LYPLAL1: variants seen among roughly 807,000 people sequenced by gnomAD.
LYPLAL1 encodes lysophospholipase like 1.
Under a neutral mutation model 19.7 loss-of-function variants are expected in LYPLAL1, and 23 were observed. That is an observed-to-expected ratio of 1.17 (90% CI 0.84 to 1.65). The LOEUF (loss-of-function observed/expected upper bound fraction) is 1.65, where lower values mean the gene tolerates loss of function less well. Ranked by LOEUF, LYPLAL1 falls within the 40% of genes most tolerant of loss-of-function variation. The pLI is 0.00. For missense variants in LYPLAL1, 355 were observed against 279.4 expected (o/e 1.27, Z -1.93); for synonymous variants, 119 against 96.3 (o/e 1.24, Z -1.38).
the LYPLAL1 span, among the ~76,000 whole-genome samples, chr1:219,293,789 T>C: frequency 6.6e-6 from 1 of 152,252 alleles, no homozygotes; most frequent in Non-Finnish European, 1.5e-5. Context: ...AATTAATGTG[T>C]ATTGAAGTAG....
At chr1:219,201,215 C>G (rs964173488) in intron 3 of LYPLAL1, among the ~76,000 whole-genome samples, 1 of 151,990 alleles carries the variant, frequency 6.6e-6, no homozygotes, top group Admixed American at 6.6e-5. Flanking sequence ...CATAAAAAAA[C>G]TTTTAAAATC....
At chr1:219,196,282 C>A (rs1572185688) in intron 3 of LYPLAL1, among the ~76,000 whole-genome samples, 1 of 152,138 alleles carries the variant, frequency 6.6e-6, no homozygotes, top group South Asian at 2.1e-4. Flanking sequence ...AACTAATTAA[C>A]ATTTTCATCA....
the LYPLAL1 span, among the ~76,000 whole-genome samples, chr1:219,308,656 G>A: frequency 2.0e-5 from 3 of 152,196 alleles, no homozygotes; most frequent in African/African-American, 7.2e-5. Context: ...TCAAGCCATG[G>A]CAGCTTCCAC....
the LYPLAL1 span, among the ~76,000 whole-genome samples, chr1:219,419,952 G>T: frequency 6.2e-3 from 943 of 152,314 alleles, 10 homozygotes; most frequent in African/African-American, 0.02. Flanking sequence ...TACCTGGTAG[G>T]CCTGAAGCTG....
the LYPLAL1 span, among the ~76,000 whole-genome samples, chr1:219,295,669 C>G: frequency 6.6e-6 from 1 of 152,128 alleles, no homozygotes; most frequent in African/African-American, 2.4e-5. Context: ...TTCAGATTGC[C>G]AGAGCCTTTC....
the LYPLAL1 span, among the ~76,000 whole-genome samples, chr1:219,423,004 A>G: frequency 1.3e-5 from 2 of 152,114 alleles, no homozygotes; most frequent in South Asian, 2.1e-4. Flanking sequence ...GGAGCATGCA[A>G]TTGTTCATCA....
Position 219,181,415 on chromosome 1 carries a change from T to C in LYPLAL1, c.191+2169T>C, listed in dbSNP as rs1317854521. Among the ~76,000 whole-genome samples, 6 of 152,290 alleles carry C rather than the reference T, an allele frequency of 3.9e-5. No homozygotes were observed. The South Asian group carries it at 1.2e-3, about 32-fold the overall frequency. On this transcript the variant is annotated intron_variant, in intron 2 of 4. Transcript: ENST00000366928. ...GTAGATTGGGAGCCACTGTTCTAGA[T>C]CAAGTCATCATTTTTACTTATTGGT...
the LYPLAL1 span, among the ~76,000 whole-genome samples, chr1:219,380,058 T>G: frequency 6.6e-6 from 1 of 152,204 alleles, no homozygotes; most frequent in Non-Finnish European, 1.5e-5. Flanking sequence ...GCCAAAAATA[T>G]TGTCTACCAT....
At chr1:219,252,581 C>T in the LYPLAL1 span, among the ~76,000 whole-genome samples, 1 of 151,936 alleles carries the variant, frequency 6.6e-6, no homozygotes, top group African/African-American at 2.4e-5. Context: ...TGTGATGAAT[C>T]ACATTTATTG....
At chr1:219,441,708 C>G in the LYPLAL1 span, among the ~76,000 whole-genome samples, 3 of 152,166 alleles carry the variant, frequency 2.0e-5, no homozygotes, top group African/African-American at 7.2e-5. Context: ...TTGGAGTCAT[C>G]TGCTCTTATA....
the LYPLAL1 span, among the ~76,000 whole-genome samples, chr1:219,227,262 C>T: frequency 6.6e-6 from 1 of 152,160 alleles, no homozygotes; most frequent in Non-Finnish European, 1.5e-5. Flanking sequence ...AAGTCTAAAT[C>T]AGAGGAGTTC....
the LYPLAL1 span, among the ~76,000 whole-genome samples, chr1:219,229,611 G>A: frequency 6.6e-6 from 1 of 152,186 alleles, no homozygotes; most frequent in African/African-American, 2.4e-5. Flanking sequence ...AACACAGGCC[G>A]CCTATAGATG....
chr1:219,282,572 A>C, the LYPLAL1 span, among the ~76,000 whole-genome samples: 73,457 of 151,054 alleles, frequency 0.49, 18,056 homozygotes, highest in Non-Finnish European at 0.53. Context: ...TCAAGAAAAG[A>C]TCCTAGAAGC....
chr1:219,240,113 C>A, the LYPLAL1 span, among the ~76,000 whole-genome samples: 4 of 152,284 alleles, frequency 2.6e-5, no homozygotes, highest in East Asian at 7.7e-4. Flanking sequence ...AGTTGTATGT[C>A]TGTGTGGTTT....
the LYPLAL1 span, among the ~76,000 whole-genome samples, chr1:219,378,078 C>A: frequency 6.6e-6 from 1 of 152,024 alleles, no homozygotes; most frequent in East Asian, 1.9e-4. Context: ...CTGGTGTAGA[C>A]CAAATGAGAT....
the LYPLAL1 span, chr1:219,273,431 A>G: frequency 6.6e-6 from 1 of 152,234 alleles, no homozygotes; most frequent in Non-Finnish European, 1.5e-5. Flanking sequence ...GAATAAATAA[A>G]TAAAAGTATG....
chr1:219,312,134 C>A, the LYPLAL1 span, among the ~76,000 whole-genome samples: 3 of 152,030 alleles, frequency 2.0e-5, no homozygotes, highest in Non-Finnish European at 2.9e-5. Flanking sequence ...AAGGTGCTTT[C>A]CCAAGTTTGG....
chr1:219,213,570 ATTTAGATACT>A (rs1659182174), downstream of LYPLAL1, among the ~76,000 whole-genome samples: 1 of 151,946 alleles, frequency 6.6e-6, no homozygotes, highest in South Asian at 2.1e-4. Context: ...TACTCCACTT[ATTTAGATACT>A]TGATTTCTTT....
chr1:219,249,247 T>C, the LYPLAL1 span, among the ~76,000 whole-genome samples: 1 of 152,024 alleles, frequency 6.6e-6, no homozygotes, highest in Non-Finnish European at 1.5e-5. Context: ...AAATAAACTA[T>C]ACACACACGC....
Sources: gnomAD v4.1 joint callset for allele counts (sites outside exome capture counted in the v4.1 genomes callset) on GRCh38, gnomAD v4.1.1 for gene constraint, MANE v1.5 for transcripts, NCBI Gene and HGNC (gene_info 2026-07-23, HGNC 2026-07-21) for gene names.